Variants in MED12L observed in about 807,000 individuals in gnomAD.
MED12L encodes the protein mediator of RNA polymerase II transcription subunit 12-like protein.
Under a neutral mutation model 281.3 loss-of-function variants are expected in MED12L, and 60 were observed. The ratio of observed to expected loss-of-function variants is 0.21; its 90% confidence interval spans 0.17 to 0.26. The LOEUF is 0.26. MED12L is among the 10% of genes least tolerant of loss of function. The pLI is 1.00. For synonymous variants in MED12L, 974 were observed against 987.2 expected (o/e 0.99, Z 0.25); for missense variants, 2,146 against 2,680.9 (o/e 0.80, Z 4.41).
At chr3:151,377,210 A>G (rs776621584) in intron 30 of MED12L, 32 bp downstream of exon 30, 5 of 1,567,364 alleles carry the variant, frequency 3.2e-6, no homozygotes, top group South Asian at 2.3e-5. Flanking sequence ...TTGAACTGTC[A>G]TGAATTTTTC....
chr3:151,187,553 A>T (rs1207207086), intron 12 of MED12L, among the ~76,000 whole-genome samples: 1 of 152,208 alleles, frequency 6.6e-6, no homozygotes, highest in Non-Finnish European at 1.5e-5. Context: ...TAGTATCTTG[A>T]TATTAAAGAG....
intron 2 of MED12L, among the ~76,000 whole-genome samples, chr3:151,109,497 G>A (rs963762915): frequency 1.1e-4 from 17 of 152,116 alleles, no homozygotes; most frequent in African/African-American, 3.9e-4. Context: ...TATTTTAGTC[G>A]AAACCAATGA....
intron 16 of MED12L, among the ~76,000 whole-genome samples, chr3:151,348,357 A>AAAAAAAG (rs1484600243): frequency 1.4e-5 from 1 of 70,294 alleles, no homozygotes; most frequent in African/African-American, 3.6e-5. Context: ...AAAAAAAAAA[A>AAAAAAAG]AAAAAAGAAA....
intron 16 of MED12L, chr3:151,336,665 C>T (rs1751035136): frequency 2.6e-6 from 1 of 387,468 alleles, no homozygotes; most frequent in Non-Finnish European, 5.1e-6. Flanking sequence ...ATAAGTCTGA[C>T]CTGTTTTATC....
At position 151,087,243 on chromosome 3, in the gene MED12L, G is replaced by A. The variant is rs554338730; in HGVS notation, c.99+218G>A. ...CTCCACTGGGGCGCTCGCTTTCCAT[G>A]TGCCGGTCGCTTTCCCGTTGCCGGG... On this transcript the variant is annotated intron_variant, in intron 2 of 44. Coordinates refer to ENST00000687756, the MANE Select transcript of MED12L (RefSeq NM_001393769.1). 7.9e-5 allele frequency among the ~76,000 whole-genome samples: 12 copies of A among 152,362 alleles called. No homozygotes were observed. The South Asian group carries it at 2.5e-3, about 32-fold the overall frequency.
intron 2 of MED12L, among the ~76,000 whole-genome samples, chr3:151,090,117 C>T (rs1719837131): frequency 6.6e-6 from 1 of 152,104 alleles, no homozygotes; most frequent in African/African-American, 2.4e-5. Context: ...CTCTTCTCAC[C>T]TTAGCCTGTG....
chr3:151,087,177 A>C, intron 2 of MED12L, 152 bp downstream of exon 2: 1 of 613,396 alleles, frequency 1.6e-6, no homozygotes, highest in South Asian at 2.4e-5. Context: ...GTGCTGGGCG[A>C]CCCCCCGGCG....
chr3:151,269,258 G>C (rs1320813473), intron 16 of MED12L, among the ~76,000 whole-genome samples: 3 of 152,082 alleles, frequency 2.0e-5, no homozygotes, highest in Non-Finnish European at 2.9e-5. Flanking sequence ...AAATTAGCCA[G>C]GTGTGGTGGT....
At chr3:151,162,256 T>C (rs139753465) in intron 8 of MED12L, among the ~76,000 whole-genome samples, 77 of 152,252 alleles carry the variant, frequency 5.1e-4, no homozygotes, top group African/African-American at 1.8e-3. Flanking sequence ...AACTCCACAT[T>C]GTTACAGTCA....
At chr3:151,098,598 A>C (rs1721024570) in intron 2 of MED12L, among the ~76,000 whole-genome samples, 1 of 152,132 alleles carries the variant, frequency 6.6e-6, no homozygotes. Flanking sequence ...TCTCCACTTT[A>C]CATGGTCTTC....
At chr3:151,266,529 C>T (rs551048782) in intron 16 of MED12L, among the ~76,000 whole-genome samples, 4 of 152,296 alleles carry the variant, frequency 2.6e-5, no homozygotes, top group Admixed American at 6.5e-5. Context: ...TTAAAAATCG[C>T]GTTTCAATTT....
chr3:151,184,025 C>G (rs183485768), intron 11 of MED12L, among the ~76,000 whole-genome samples: 1 of 152,248 alleles, frequency 6.6e-6, no homozygotes. Context: ...TCCCAGTTTA[C>G]TTTCTGTTTT....
At chr3:151,365,292 C>A (rs1265088555) in intron 22 of MED12L, 86 bp downstream of exon 22, 1 of 1,098,684 alleles carries the variant, frequency 9.1e-7, no homozygotes, top group Non-Finnish European at 1.4e-6. Context: ...TAGTAAGTGT[C>A]TGGACTCACA....
chr3:151,291,315 AT>A (rs1744236954), intron 16 of MED12L, among the ~76,000 whole-genome samples: 1 of 146,334 alleles, frequency 6.8e-6, no homozygotes, highest in African/African-American at 2.5e-5. Flanking sequence ...TAGGCACCAC[AT>A]TCTCTTGAAA....
chr3:151,419,387 C>G (rs558508868), intron 43 of MED12L, among the ~76,000 whole-genome samples: 1 of 152,292 alleles, frequency 6.6e-6, no homozygotes, highest in Non-Finnish European at 1.5e-5. Flanking sequence ...CAGGAAGCAT[C>G]CAACACGGGA....
In MED12L at chr3:151,292,453, A is replaced by C. The variant is rs530122981; in HGVS notation, c.2251-57606A>C. 1.3e-4 allele frequency among the ~76,000 whole-genome samples: 19 copies of C among 150,988 alleles called. No individual in the cohort carries two copies. The Middle Eastern group carries it at 0.011, about 84-fold the overall frequency. Reference sequence around the variant, plus strand: ...AGGTGTGTGCCACCATGCCCAGCTAATTTTTGTATTTTTAGTAGAGACGGG... The same window carrying C: ...AGGTGTGTGCCACCATGCCCAGCTACTTTTTGTATTTTTAGTAGAGACGGG... On this transcript the variant is annotated intron_variant, in intron 16 of 44. Transcript: ENST00000687756.
intron 12 of MED12L, among the ~76,000 whole-genome samples, chr3:151,185,817 G>C (rs1723185888): frequency 6.6e-6 from 1 of 151,944 alleles, no homozygotes; most frequent in Non-Finnish European, 1.5e-5. Flanking sequence ...ACTCTAGCCT[G>C]GTTGATAGAG....
chr3:151,203,537 GTATA>G (rs1208225811), intron 16 of MED12L, among the ~76,000 whole-genome samples: 2 of 151,204 alleles, frequency 1.3e-5, no homozygotes, highest in African/African-American at 4.9e-5. Flanking sequence ...TATTTTTTCA[GTATA>G]TATAGTAACA....
chr3:151,282,340 A>G (rs1742923746), intron 16 of MED12L, among the ~76,000 whole-genome samples: 1 of 148,750 alleles, frequency 6.7e-6, no homozygotes, highest in Non-Finnish European at 1.5e-5. Context: ...GCTGGGTTAT[A>G]TAATTTAGTT....
Sources: allele counts gnomAD v4.1 joint callset (sites outside exome capture counted in the v4.1 genomes callset), GRCh38; gene constraint gnomAD v4.1.1; transcripts MANE v1.5; gene names NCBI Gene and HGNC (gene_info 2026-07-23, HGNC 2026-07-21).